Variants in LRRTM4 observed in about 807,000 individuals in gnomAD.
LRRTM4 encodes the protein leucine-rich repeat transmembrane neuronal protein 4.
A neutral mutation model predicts 47.6 loss-of-function variants in LRRTM4; 25 were observed. The ratio of observed to expected loss-of-function variants is 0.53; its 90% CI spans 0.38 to 0.73. The LOEUF (loss-of-function observed/expected upper bound fraction) is 0.73. Among genes scored for constraint, LRRTM4 ranks in the 30% least tolerant of loss-of-function variants. LRRTM4 has a pLI of 0.00. For missense variants in LRRTM4, 638 were observed against 713.4 expected (o/e 0.89, Z 1.20); for synonymous variants, 311 against 269.5 (o/e 1.15, Z -1.51).
intron 3 of LRRTM4, among the ~76,000 whole-genome samples, chr2:77,490,880 TAAAAC>T (rs992324000): frequency 7.3e-5 from 11 of 151,222 alleles, no homozygotes; most frequent in African/African-American, 2.7e-4. Context: ...AGTATTATAG[TAAAAC>T]AAAGAAAAAG....
At chr2:77,046,261 C>T (rs550679066) in intron 3 of LRRTM4, among the ~76,000 whole-genome samples, 59 of 152,118 alleles carry the variant, frequency 3.9e-4, no homozygotes, top group African/African-American at 1.3e-3. Flanking sequence ...TTTTAAAGTG[C>T]AGGCTGTTTC....
chr2:77,171,053 A>G (rs531375339), intron 3 of LRRTM4, among the ~76,000 whole-genome samples: 20 of 151,854 alleles, frequency 1.3e-4, no homozygotes, highest in Non-Finnish European at 2.6e-4. Context: ...ATGCTTTAGT[A>G]CACACACACA....
At chr2:77,164,298 C>G (rs1026943103) in intron 3 of LRRTM4, among the ~76,000 whole-genome samples, 19 of 152,112 alleles carry the variant, frequency 1.2e-4, no homozygotes, top group African/African-American at 4.3e-4. Context: ...CAGGAGCACC[C>G]AGATTCATAA....
chr2:77,317,370 C>G (rs1465947933), intron 3 of LRRTM4, among the ~76,000 whole-genome samples: 1 of 152,122 alleles, frequency 6.6e-6, no homozygotes. Flanking sequence ...TTATCTCTAT[C>G]AGGAATTAAA....
At chr2:76,890,723 GAACAT>G (rs1673224589) in intron 3 of LRRTM4, among the ~76,000 whole-genome samples, 2 of 151,360 alleles carry the variant, frequency 1.3e-5, no homozygotes, top group South Asian at 4.2e-4. Flanking sequence ...AAAAAATAAC[GAACAT>G]AACTGACAAC....
Position 77,311,588 on chromosome 2 carries a change from A to G in LRRTM4, c.1551+206730T>C, listed in dbSNP as rs1211094459. The stretch of plus-strand genomic sequence containing the variant: ...GACAGTCAAATGGGTTAAAATTTGT[A>G]AAGCGTTTAGCATAGTAGGTGGCAT... On this transcript the variant is annotated intron_variant, in intron 3 of 3. Transcript: ENST00000409884. Among the ~76,000 whole-genome samples, 6 of 152,330 alleles carry G rather than the reference A, an allele frequency of 3.9e-5. No individual in the cohort carries two copies. The East Asian group carries it at 1.2e-3, about 29-fold the overall frequency.
At chr2:77,102,715 T>C (rs562452043) in intron 3 of LRRTM4, among the ~76,000 whole-genome samples, 1 of 152,302 alleles carries the variant, frequency 6.6e-6, no homozygotes, top group South Asian at 2.1e-4. Flanking sequence ...TCTGGAGTTA[T>C]TGGGCTGACT....
intron 3 of LRRTM4, among the ~76,000 whole-genome samples, chr2:76,922,068 A>T (rs1674449511): frequency 6.6e-6 from 1 of 152,130 alleles, no homozygotes; most frequent in African/African-American, 2.4e-5. Flanking sequence ...ATTCAGCCTT[A>T]AAAAAGAAAT....
intron 3 of LRRTM4, among the ~76,000 whole-genome samples, chr2:76,782,960 A>T (rs892004659): frequency 1.3e-5 from 2 of 152,162 alleles, no homozygotes; most frequent in Non-Finnish European, 2.9e-5. Flanking sequence ...TTATTCAAAG[A>T]TTGTAGATTT....
intron 3 of LRRTM4, among the ~76,000 whole-genome samples, chr2:77,470,749 A>G (rs960219514): frequency 1.3e-5 from 2 of 152,186 alleles, no homozygotes; most frequent in African/African-American, 2.4e-5. Context: ...TGCAGTTTCT[A>G]AAACAGAACC....
At chr2:77,474,589 T>G (rs149109055) in intron 3 of LRRTM4, among the ~76,000 whole-genome samples, 1 of 152,206 alleles carries the variant, frequency 6.6e-6, no homozygotes, top group Non-Finnish European at 1.5e-5. Context: ...AAAATTCAAA[T>G]AAGTGTTATA....
At chr2:77,293,314 G>C (rs76359069) in intron 3 of LRRTM4, among the ~76,000 whole-genome samples, 3,842 of 152,108 alleles carry the variant, frequency 0.025, 159 homozygotes, top group African/African-American at 0.088. Context: ...ACAGAAAGAA[G>C]TATTTAAACT....
Position 76,808,001 on chromosome 2 carries a change from C to CT in LRRTM4, c.1552-59086dup, listed in dbSNP as rs1573146366. On this transcript the variant is annotated intron_variant, in intron 3 of 3. Coordinates refer to ENST00000409884, the MANE Select transcript of LRRTM4 (RefSeq NM_001134745.3). ...TCCCTTCTTTCTTTTCTTTCTGTCT[C>CT]TTTTCTCTCTCCTTCCTTCCTTCCT... Among the ~76,000 whole-genome samples, 5 of 133,904 alleles carry CT rather than the reference C, an allele frequency of 3.7e-5. No individual in the cohort carries two copies. The East Asian group carries it at 8.7e-4, about 23-fold the overall frequency. The allele number at this position is 133,904 out of a possible 152,430, so 87.8% of individuals were successfully genotyped here.
intron 3 of LRRTM4, among the ~76,000 whole-genome samples, chr2:77,418,163 A>G (rs1285995293): frequency 6.6e-6 from 1 of 152,186 alleles, no homozygotes; most frequent in Non-Finnish European, 1.5e-5. Context: ...GTAGACCCTA[A>G]CTAAATTTTT....
chr2:77,118,230 A>G (rs866817935), intron 3 of LRRTM4, among the ~76,000 whole-genome samples: 4 of 151,634 alleles, frequency 2.6e-5, no homozygotes, highest in Middle Eastern at 3.2e-3. Context: ...GTTGTTTGGG[A>G]AAAAAAGCCA....
At chr2:77,078,961 G>A (rs1680438166) in intron 3 of LRRTM4, among the ~76,000 whole-genome samples, 1 of 152,178 alleles carries the variant, frequency 6.6e-6, no homozygotes. Context: ...AGTGGCAGAA[G>A]GGGAGAATGG....
chr2:77,014,576 C>T (rs144004302), intron 3 of LRRTM4, among the ~76,000 whole-genome samples: 2,720 of 151,290 alleles, frequency 0.018, 93 homozygotes, highest in African/African-American at 0.062. Flanking sequence ...CTTTGGGAGG[C>T]TGAGGTAGGC....
rs541568343 is a variant in LRRTM4 at position 77,209,903 on chromosome 2, G to A, written c.1551+308415C>T. ...TAAAGCCCTATTAAATCTACTTCAC[G>A]TTCTACAATTCTTGCTTTTTCAAAG... On this transcript the variant is annotated intron_variant, in intron 3 of 3. Coordinates refer to ENST00000409884, the MANE Select transcript of LRRTM4 (RefSeq NM_001134745.3). Among the ~76,000 whole-genome samples, 171 of 152,170 alleles carry A rather than the reference G, an allele frequency of 1.1e-3. 1 individual carries two copies. Among genetic ancestry groups the A allele is most frequent in the African/African-American group, 3.9e-3 (161 of 41,526 alleles).
At chr2:76,825,408 T>C (rs1419459845) in intron 3 of LRRTM4, among the ~76,000 whole-genome samples, 1 of 151,664 alleles carries the variant, frequency 6.6e-6, no homozygotes, top group Non-Finnish European at 1.5e-5. Context: ...GGAATTGATA[T>C]ACTGACGAAT....
Sources: gnomAD v4.1 joint callset for allele counts (sites outside exome capture counted in the v4.1 genomes callset) on GRCh38, gnomAD v4.1.1 for gene constraint, MANE v1.5 for transcripts, NCBI Gene and HGNC (gene_info 2026-07-23, HGNC 2026-07-21) for gene names.